Variants in SHCBP1L observed in about 807,000 individuals in gnomAD.
SHCBP1L encodes SHC binding and spindle associated 1 like.
Under a neutral mutation model 62.5 loss-of-function variants are expected in SHCBP1L, and 67 were observed. The observed-to-expected ratio is 1.07, with a 90% CI of 0.88 to 1.31. The LOEUF (loss-of-function observed/expected upper bound fraction) is 1.31, where lower values mean the gene tolerates loss of function less well. Ranked by LOEUF, SHCBP1L falls within the 40% of genes most tolerant of loss-of-function variation. The pLI is 0.00. For missense variants in SHCBP1L, 823 were observed against 809.8 expected, an observed-to-expected ratio of 1.02 and a Z score of -0.20; for synonymous variants, 284 against 289.4, an observed-to-expected ratio of 0.98 and a Z score of 0.19.
At chr1:182,916,933 AT>A (rs1289713708) in intron 6 of SHCBP1L, among the ~76,000 whole-genome samples, 2 of 152,186 alleles carry the variant, frequency 1.3e-5, no homozygotes, top group Admixed American at 1.3e-4. Context: ...AAAGATAACT[AT>A]TGGGTACTGG....
rs143142615 is a variant in SHCBP1L, at chr1:182,903,090, G to T, written c.1659C>A (p.Asn553Lys). The T allele has an allele frequency of 1.2e-6, 2 of 1,601,090 alleles. No individual in the cohort carries two copies. The highest frequency in any genetic ancestry group is 1.7e-6 in the Non-Finnish European group (2 of 1,173,306). ...TTTTTGAACTGTTACTGGTTCTGAG[G>T]TTATTACAGTGATGAATTTCATTTC... ...LERNEIHHCN[N>K]LRTSNSSKST... Residue 553 changes from asparagine (N) to lysine (K), a missense_variant, in exon 9 of 10, where the codon AAC becomes AAA. Coordinates refer to ENST00000367547, the MANE Select transcript of SHCBP1L (RefSeq NM_030933.4).
chr1:182,938,661 T>TG (rs1432702546), intron 5 of SHCBP1L, among the ~76,000 whole-genome samples: 1 of 152,134 alleles, frequency 6.6e-6, no homozygotes, highest in Non-Finnish European at 1.5e-5. Context: ...ATTGTAGAGA[T>TG]GGGGCCTCAA....
chr1:182,927,976 A>G (rs1315570069), intron 6 of SHCBP1L, among the ~76,000 whole-genome samples: 1 of 152,246 alleles, frequency 6.6e-6, no homozygotes, highest in Non-Finnish European at 1.5e-5. Flanking sequence ...AAATGACAAA[A>G]TAAAGCTGAG....
At chr1:182,951,290 G>C (rs1185101688) in intron 2 of SHCBP1L, 28 bp downstream of exon 2, 1 of 1,458,874 alleles carries the variant, frequency 6.9e-7, no homozygotes, top group Non-Finnish European at 9.1e-7. Context: ...GATTCAAAAA[G>C]AACAAAGATC....
chr1:182,911,002 G>T (rs1650168062), intron 6 of SHCBP1L, among the ~76,000 whole-genome samples: 1 of 152,000 alleles, frequency 6.6e-6, no homozygotes, highest in African/African-American at 2.4e-5. Flanking sequence ...CGATTCTCCT[G>T]CCTCAGCCTC....
chr1:182,905,049 T>C (rs1195929728), intron 7 of SHCBP1L, among the ~76,000 whole-genome samples: 1 of 152,070 alleles, frequency 6.6e-6, no homozygotes, highest in Non-Finnish European at 1.5e-5. Context: ...ATCCAGCTTT[T>C]GTTGTTGTTG....
chr1:182,931,667 T>C (rs1650998673), intron 5 of SHCBP1L, among the ~76,000 whole-genome samples: 1 of 152,166 alleles, frequency 6.6e-6, no homozygotes, highest in African/African-American at 2.4e-5. Context: ...AGAGTTCCTG[T>C]GTATCCCTTG....
intron 5 of SHCBP1L, among the ~76,000 whole-genome samples, chr1:182,934,377 C>A (rs1054448807): frequency 6.6e-6 from 1 of 152,198 alleles, no homozygotes; most frequent in Non-Finnish European, 1.5e-5. Context: ...TGGATTTTAG[C>A]CATTTCTAAT....
At chr1:182,913,689 A>C (rs986156588) in intron 6 of SHCBP1L, among the ~76,000 whole-genome samples, 1 of 152,200 alleles carries the variant, frequency 6.6e-6, no homozygotes, top group Non-Finnish European at 1.5e-5. Flanking sequence ...AACAATTAAA[A>C]TCCAAAGATA....
chr1:182,903,470 A>G (rs1210209488), intron 8 of SHCBP1L, among the ~76,000 whole-genome samples: 1 of 152,176 alleles, frequency 6.6e-6, no homozygotes, highest in African/African-American at 2.4e-5. Flanking sequence ...AGTTATAAAA[A>G]TTTATATCTA....
chr1:182,929,602 C>G (rs762920303), intron 6 of SHCBP1L, 45 bp downstream of exon 6: 2 of 1,310,076 alleles, frequency 1.5e-6, no homozygotes, highest in African/African-American at 3.1e-5. Flanking sequence ...TCCGATTATA[C>G]ACAGCTAATA....
At chr1:182,926,752 C>A (rs1485650904) in intron 6 of SHCBP1L, among the ~76,000 whole-genome samples, 1 of 151,906 alleles carries the variant, frequency 6.6e-6, no homozygotes, top group Non-Finnish European at 1.5e-5. Flanking sequence ...CACTGTTTCT[C>A]CTAGATCTGG....
At chr1:182,929,064 G>A (rs889144009) in intron 6 of SHCBP1L, among the ~76,000 whole-genome samples, 2 of 152,116 alleles carry the variant, frequency 1.3e-5, no homozygotes, top group Non-Finnish European at 2.9e-5. Flanking sequence ...CAATGAGAGA[G>A]ATTTGAAACG....
At chr1:182,937,658 A>G (rs986715932) in intron 5 of SHCBP1L, among the ~76,000 whole-genome samples, 5 of 152,204 alleles carry the variant, frequency 3.3e-5, no homozygotes, top group African/African-American at 1.2e-4. Context: ...CACATATGTT[A>G]ACACCTTTTG....
chr1:182,907,612 T>C (rs1650057652), intron 6 of SHCBP1L, among the ~76,000 whole-genome samples: 1 of 151,558 alleles, frequency 6.6e-6, no homozygotes. Context: ...TGAGATGGAG[T>C]CTTGCTCTGT....
intron 8 of SHCBP1L, among the ~76,000 whole-genome samples, chr1:182,903,405 T>G (rs558795181): frequency 1.3e-5 from 2 of 152,316 alleles, no homozygotes; most frequent in South Asian, 4.1e-4. Flanking sequence ...TATCTTACTC[T>G]TCCACCCAAA....
chr1:182,927,809 C>T (rs1650830441), intron 6 of SHCBP1L, among the ~76,000 whole-genome samples: 1 of 152,102 alleles, frequency 6.6e-6, no homozygotes, highest in Admixed American at 6.5e-5. Flanking sequence ...CAGTAGTCTC[C>T]CTCTAATTAT....
intron 6 of SHCBP1L, among the ~76,000 whole-genome samples, chr1:182,909,119 T>C (rs1160948788): frequency 2.6e-5 from 4 of 152,096 alleles, no homozygotes; most frequent in African/African-American, 7.2e-5. Flanking sequence ...TCTGAAACCC[T>C]CCTCATTTAT....
chr1:182,922,311 A>G (rs1650552362), intron 6 of SHCBP1L, among the ~76,000 whole-genome samples: 1 of 152,090 alleles, frequency 6.6e-6, no homozygotes, highest in Non-Finnish European at 1.5e-5. Context: ...ACAGACATCT[A>G]CAGATCGCCT....
Sources: allele counts gnomAD v4.1 joint callset (sites outside exome capture counted in the v4.1 genomes callset), GRCh38; gene constraint gnomAD v4.1.1; transcripts MANE v1.5; gene names NCBI Gene and HGNC (gene_info 2026-07-23, HGNC 2026-07-21).